The following MCF2L variants were observed in gnomAD, a reference collection of about 807,000 sequenced individuals.
The protein encoded by MCF2L is MCF.2 cell line derived transforming sequence like, also known as guanine nucleotide exchange factor DBS.
A neutral mutation model predicts 153.4 loss-of-function variants in MCF2L; 97 were observed. The observed-to-expected ratio is 0.63, with a 90% CI of 0.54 to 0.75. The LOEUF (loss-of-function observed/expected upper bound fraction) is 0.75, where lower values mean the gene tolerates loss of function less well. Among genes scored for constraint, MCF2L ranks in the 30% least tolerant of loss-of-function variants. The pLI is 0.00. For missense variants in MCF2L, 1,347 were observed against 1,495.2 expected, an observed-to-expected ratio of 0.90 and a Z score of 1.64; for synonymous variants, 659 against 632.2, an observed-to-expected ratio of 1.04 and a Z score of -0.64.
chr13:113,075,221 CCCAGCTGCGGAA>C, intron 11 of MCF2L, 32 bp downstream of exon 11: 3 of 1,552,672 alleles, frequency 1.9e-6, no homozygotes, highest in Non-Finnish European at 2.6e-6. Context: ...CCCACTCCCC[CCCAGCTGCGGAA>C]CCAGCCTCTT....
At chr13:112,933,839 G>A (rs1490219177) in intron 2 of MCF2L, among the ~76,000 whole-genome samples, 1 of 152,222 alleles carries the variant, frequency 6.6e-6, no homozygotes, top group Non-Finnish European at 1.5e-5. Flanking sequence ...GGCAGGCCGA[G>A]GATACATTTC....
intron 17 of MCF2L, 138 bp from the exon 18 acceptor site, chr13:113,083,860 C>T: frequency 4.2e-6 from 3 of 706,192 alleles, no homozygotes; most frequent in East Asian, 2.5e-5. Flanking sequence ...GGCGTGGCTG[C>T]GGCGTCTCCA....
chr13:113,023,310 GTGCC>G (rs1194772071), intron 2 of MCF2L, among the ~76,000 whole-genome samples: 1 of 152,234 alleles, frequency 6.6e-6, no homozygotes, highest in African/African-American at 2.4e-5. Flanking sequence ...CCATTGAGGG[GTGCC>G]GACAAGGACT....
At position 113,096,359 on chromosome 13, in the gene MCF2L, G is replaced by A. The variant is rs1292117804; in HGVS notation, c.3076-12G>A. The A allele has an allele frequency of 9.7e-6, 15 of 1,551,432 alleles. No individual in the cohort carries two copies. Among genetic ancestry groups the A allele is most frequent in the Non-Finnish European group, 1.3e-5 (15 of 1,145,532 alleles). ...GCTGACGCTGTCTGTGCCCCTGCCC[G>A]TCTCCCACCAGGTTCCAGGTAAATA... is the stretch of plus-strand genomic sequence containing the variant. On this transcript the variant is annotated splice_polypyrimidine_tract_variant and intron_variant, in intron 27 of 29. Coordinates refer to ENST00000535094, the MANE Select transcript of MCF2L (RefSeq NM_001112732.3).
Position 113,065,319 on chromosome 13 carries a change from G to T in MCF2L, c.756+234G>T, listed in dbSNP as rs1594906194. 4 of 542,746 alleles carry T rather than the reference G, an allele frequency of 7.4e-6. No individual in the cohort carries two copies. In the East Asian group the frequency reaches 1.3e-4, roughly 17 times the overall value. The allele number at this position is 542,746 out of a possible 1,614,324, so 33.6% of individuals were successfully genotyped here. On this transcript the variant is annotated intron_variant, in intron 7 of 29. Coordinates refer to ENST00000535094, the MANE Select transcript of MCF2L (RefSeq NM_001112732.3). ...TGTAAATGAACCCTGTAGATTGCTG[G>T]CTGCGCCTGCCATTCTGGCGTTGGG...
At chr13:112,921,066 A>G (rs561236499) in intron 2 of MCF2L, among the ~76,000 whole-genome samples, 2 of 151,838 alleles carry the variant, frequency 1.3e-5, no homozygotes, top group African/African-American at 4.8e-5. Context: ...AGTCCCAGCT[A>G]CTCGGGAGGC....
intron 2 of MCF2L, among the ~76,000 whole-genome samples, chr13:112,928,232 A>G (rs1431157203): frequency 2.6e-5 from 4 of 152,232 alleles, no homozygotes; most frequent in Non-Finnish European, 5.9e-5. Context: ...GCCGTGCACC[A>G]ACGTTGTTGC....
chr13:112,968,142 T>TGGGGGG (rs757286592), upstream of MCF2L, among the ~76,000 whole-genome samples: 2 of 59,448 alleles, frequency 3.4e-5, no homozygotes, highest in Non-Finnish European at 7.4e-5. Context: ...GGGAGTGAGG[T>TGGGGGG]GGGGGGGGGG....
At chr13:112,922,046 G>C (rs1325266662) in intron 2 of MCF2L, among the ~76,000 whole-genome samples, 3 of 152,100 alleles carry the variant, frequency 2.0e-5, no homozygotes, top group Non-Finnish European at 4.4e-5. Context: ...AGACACATGA[G>C]GCCCCAGCTC....
intron 4 of MCF2L, among the ~76,000 whole-genome samples, chr13:113,060,382 A>G (rs575645239): frequency 6.6e-6 from 1 of 152,372 alleles, no homozygotes; most frequent in Non-Finnish European, 1.5e-5. Context: ...CTGCCAAGAC[A>G]TGAGGCTTTT....
Position 113,076,084 on chromosome 13 carries a change from G to T in MCF2L, c.1427G>T (p.Gly476Val). The change falls in exon 12 of 30, where the codon GGT (glycine) becomes GTT (valine). Residue 476 changes from glycine (G) to valine (V), a missense_variant. By Grantham distance (109) the Gly-to-Val change is moderately radical. This residue lies in a region of MCF2L where 820 missense variants were observed against 921.2 expected (regional missense o/e 0.89). Coordinates refer to ENST00000535094, the MANE Select transcript of MCF2L (RefSeq NM_001112732.3). The stretch of plus-strand genomic sequence containing the variant: ...GAAATCGAGAAGTTTTTGGAGACCG[G>T]TGCGGAAAATAAGATCCAGGAGCTC... ...LQEIEKFLET[G>V]AENKIQELNA... The T allele has an allele frequency of 6.2e-7, 1 of 1,614,016 alleles. No individual in the cohort carries two copies.
intron 2 of MCF2L, among the ~76,000 whole-genome samples, chr13:112,935,960 C>T (rs116999411): frequency 5.3e-5 from 8 of 152,128 alleles, no homozygotes; most frequent in Non-Finnish European, 8.8e-5. Flanking sequence ...GGCCTGGAAC[C>T]GATCCTTCCC....
chr13:113,036,172 C>T (rs2086141162), intron 3 of MCF2L, among the ~76,000 whole-genome samples: 1 of 152,190 alleles, frequency 6.6e-6, no homozygotes, highest in African/African-American at 2.4e-5. Context: ...CAGCCTGATT[C>T]TGAGTTCGCA....
At chr13:112,982,441 C>G (rs990632557) in intron 1 of MCF2L, among the ~76,000 whole-genome samples, 2 of 152,178 alleles carry the variant, frequency 1.3e-5, no homozygotes, top group Admixed American at 1.3e-4. Context: ...AGGGATGGAG[C>G]GAGCCCAGGC....
intron 2 of MCF2L, among the ~76,000 whole-genome samples, chr13:112,940,063 C>A (rs1408900180): frequency 6.7e-6 from 1 of 150,218 alleles, no homozygotes; most frequent in Non-Finnish European, 1.5e-5. Flanking sequence ...TTCTTCAGGG[C>A]AGTTTATCAA....
intron 26 of MCF2L, among the ~76,000 whole-genome samples, chr13:113,093,149 C>A (rs2142112854): frequency 6.6e-6 from 1 of 152,384 alleles, no homozygotes; most frequent in African/African-American, 2.4e-5. Context: ...CCCCACAGGC[C>A]AGTCCCTGCT....
At chr13:112,953,622 C>T (rs530791245) in intron 2 of MCF2L, among the ~76,000 whole-genome samples, 2 of 152,198 alleles carry the variant, frequency 1.3e-5, no homozygotes, top group African/African-American at 4.8e-5. Flanking sequence ...TCACCTGTGG[C>T]CGGTGGTTCT....
At chr13:113,022,603 C>A (rs1462689636) in intron 2 of MCF2L, among the ~76,000 whole-genome samples, 4 of 152,276 alleles carry the variant, frequency 2.6e-5, no homozygotes. Context: ...GCCGTTTCCA[C>A]AATCCACCTC....
chr13:112,973,854 C>A (rs1458361068), intron 1 of MCF2L, among the ~76,000 whole-genome samples: 1 of 152,156 alleles, frequency 6.6e-6, no homozygotes, highest in Admixed American at 6.5e-5. Flanking sequence ...GAAGGGGATG[C>A]CTGCGAGGTG....
Sources: allele counts gnomAD v4.1 joint callset (sites outside exome capture counted in the v4.1 genomes callset), GRCh38; gene constraint gnomAD v4.1.1; regional missense constraint gnomAD v4.1.1; transcripts MANE v1.5; gene names NCBI Gene and HGNC (gene_info 2026-07-23, HGNC 2026-07-21).